The following SLC35D2 variants were observed in gnomAD, a reference collection of about 807,000 sequenced individuals.
SLC35D2 encodes the protein nucleotide sugar transporter SLC35D2.
Under a neutral mutation model 41.8 loss-of-function variants are expected in SLC35D2, and 43 were observed. The ratio of observed to expected loss-of-function variants is 1.03; its 90% CI spans 0.81 to 1.33. The LOEUF (loss-of-function observed/expected upper bound fraction) is 1.33. SLC35D2 is among the 40% of genes most tolerant of loss of function. The probability of loss-of-function intolerance (pLI) is 0.00; values close to 1 mark genes in which losing one functional copy is unlikely to be tolerated. For synonymous variants in SLC35D2, 150 were observed against 163.9 expected (o/e 0.92, Z 0.65); for missense variants, 380 against 408.4 (o/e 0.93, Z 0.60).
chr9:96,339,928 A>G (rs1016271229), intron 8 of SLC35D2, among the ~76,000 whole-genome samples: 14 of 152,236 alleles, frequency 9.2e-5, no homozygotes, highest in Admixed American at 2.6e-4. Context: ...GATCTTCTCC[A>G]TCGCTCCTAG....
chr9:96,323,435 G>A (rs1172662194), intron 10 of SLC35D2, among the ~76,000 whole-genome samples: 2 of 152,064 alleles, frequency 1.3e-5, no homozygotes, highest in African/African-American at 2.4e-5. Context: ...CAGTGGGCAG[G>A]TTCTCCCAGA....
At chr9:96,341,927 T>G (rs569505135) in intron 8 of SLC35D2, among the ~76,000 whole-genome samples, 47 of 134,818 alleles carry the variant, frequency 3.5e-4, no homozygotes, top group African/African-American at 1.4e-3. Flanking sequence ...GTTTCTAGAT[T>G]TATATTTTTG....
chr9:96,337,025 G>T (rs1157385659), intron 8 of SLC35D2, among the ~76,000 whole-genome samples: 2 of 152,120 alleles, frequency 1.3e-5, no homozygotes, highest in Non-Finnish European at 2.9e-5. Flanking sequence ...TCAAAACGTT[G>T]ATATAAGGAC....
intron 2 of SLC35D2, among the ~76,000 whole-genome samples, chr9:96,365,988 C>A (rs1444671340): frequency 6.6e-6 from 1 of 152,152 alleles, no homozygotes; most frequent in Non-Finnish European, 1.5e-5. Flanking sequence ...ACTTACGCCT[C>A]ACATTATAAT....
At chr9:96,357,060 C>A (rs569999984) in intron 4 of SLC35D2, among the ~76,000 whole-genome samples, 50 of 152,276 alleles carry the variant, frequency 3.3e-4, no homozygotes, top group African/African-American at 1.2e-3. Context: ...TGCCTATAAT[C>A]CCAGCTACTC....
chr9:96,318,990 C>T (rs566110938), downstream of SLC35D2, among the ~76,000 whole-genome samples: 3 of 152,244 alleles, frequency 2.0e-5, no homozygotes, highest in Non-Finnish European at 4.4e-5. Flanking sequence ...AGAAAGACCA[C>T]AGGATCCAGC....
intron 7 of SLC35D2, among the ~76,000 whole-genome samples, chr9:96,344,509 TAAA>T (rs35407925): frequency 1.0e-4 from 1 of 10,036 alleles, no homozygotes; most frequent in Non-Finnish European, 1.8e-4. Context: ...CTTCTACCGT[TAAA>T]AAAAAAAAAA....
intron 11 of SLC35D2, among the ~76,000 whole-genome samples, chr9:96,321,659 G>T (rs1315823651): frequency 1.3e-5 from 2 of 152,110 alleles, no homozygotes; most frequent in Non-Finnish European, 2.9e-5. Flanking sequence ...TTCAAAGCTG[G>T]CTTAGTCCAC....
At position 96,383,587 on chromosome 9, in the gene SLC35D2, G is replaced by GC. The variant is rs1461080192; in HGVS notation, c.47_48insG (p.Gly17ArgfsTer69). 9.7e-6 allele frequency: 14 copies of GC among 1,448,400 alleles called. No individual in the cohort carries two copies. The East Asian group carries it at 3.1e-4, about 32-fold the overall frequency. 89.7% of individuals were successfully genotyped at this position (1,448,400 alleles called of 1,614,324 possible). A position where few individuals can be genotyped will look rare whatever the true frequency, so the allele number is the denominator to read the frequency against. On this transcript the variant is annotated frameshift_variant, in exon 1 of 12. Coordinates refer to ENST00000253270, the MANE Select transcript of SLC35D2 (RefSeq NM_007001.3). LOFTEE classifies it high-confidence loss of function. The stretch of plus-strand genomic sequence containing the variant: ...CCCGCGAGGGCAGCCGCGCCGCGCC[G>GC]GGCTCCCCGCCAGCGCCCTCGGCCT...
At chr9:96,334,610 C>A (rs918526021) in intron 9 of SLC35D2, among the ~76,000 whole-genome samples, 3 of 152,084 alleles carry the variant, frequency 2.0e-5, no homozygotes. Flanking sequence ...TGGACTCCAG[C>A]CTGGGAGACA....
chr9:96,360,849 C>A (rs1161081975), intron 3 of SLC35D2, among the ~76,000 whole-genome samples: 2 of 151,858 alleles, frequency 1.3e-5, no homozygotes, highest in African/African-American at 4.8e-5. Context: ...TCAAGCAATT[C>A]TCCTGCCTCA....
Position 96,330,060 on chromosome 9 carries a change from G to A in SLC35D2, c.753-5891C>T, listed in dbSNP as rs59989411. On this transcript the variant is annotated intron_variant, in intron 9 of 11. Transcript: ENST00000253270. ...CCTTTGGTGTAACTTGGTGGTCCAA[G>A]GCCAAAGGCCTCCTGACCACAGACT... Among the ~76,000 whole-genome samples, 191 of 152,348 alleles carry A rather than the reference G, an allele frequency of 1.3e-3. 1 individual carries two copies. The highest frequency in any genetic ancestry group is 4.3e-3 in the African/African-American group (179 of 41,582).
intron 1 of SLC35D2, among the ~76,000 whole-genome samples, chr9:96,382,984 C>T (rs1564134397): frequency 6.6e-6 from 1 of 152,074 alleles, no homozygotes; most frequent in Non-Finnish European, 1.5e-5. Flanking sequence ...CACAAATTTG[C>T]GTTTACTTCA....
intron 8 of SLC35D2, among the ~76,000 whole-genome samples, chr9:96,343,123 T>G (rs1353081961): frequency 6.6e-6 from 1 of 152,214 alleles, no homozygotes; most frequent in Non-Finnish European, 1.5e-5. Context: ...GGCCCGCGAC[T>G]TCCTGAAGAA....
At chr9:96,323,195 C>T (rs574373063) in intron 10 of SLC35D2, among the ~76,000 whole-genome samples, 1 of 152,208 alleles carries the variant, frequency 6.6e-6, no homozygotes, top group African/African-American at 2.4e-5. Flanking sequence ...TCTGGGCACC[C>T]AGGGGACAGG....
chr9:96,345,429 G>A, intron 6 of SLC35D2, 28 bp from the exon 7 acceptor site: 1 of 1,340,148 alleles, frequency 7.5e-7, no homozygotes, highest in Non-Finnish European at 1.1e-6. Context: ...AAGGGAGAAT[G>A]ATTACTCAAA....
intron 1 of SLC35D2, among the ~76,000 whole-genome samples, chr9:96,372,393 A>C (rs1254550635): frequency 3.3e-5 from 5 of 152,198 alleles, no homozygotes; most frequent in African/African-American, 1.2e-4. Flanking sequence ...ACAAAACTGT[A>C]TGTATTGCAT....
chr9:96,364,044 A>AG (rs1564119567), intron 3 of SLC35D2, among the ~76,000 whole-genome samples: 1 of 152,230 alleles, frequency 6.6e-6, no homozygotes, highest in African/African-American at 2.4e-5. Flanking sequence ...GGCCAGGCAC[A>AG]GTGGCTCACA....
At chr9:96,360,628 C>CAAAAAAAA (rs906000581) in intron 3 of SLC35D2, among the ~76,000 whole-genome samples, 9 of 15,698 alleles carry the variant, frequency 5.7e-4, no homozygotes, top group African/African-American at 7.7e-4. Context: ...GACTTCATCT[C>CAAAAAAAA]AAAAAAAAAA....
Sources: allele counts gnomAD v4.1 joint callset (sites outside exome capture counted in the v4.1 genomes callset), GRCh38; gene constraint gnomAD v4.1.1; transcripts MANE v1.5; gene names NCBI Gene and HGNC (gene_info 2026-07-23, HGNC 2026-07-21).